Variants in FAM20B observed in about 807,000 individuals in gnomAD.
FAM20B encodes glycosaminoglycan xylosylkinase.
FAM20B carries 23 observed loss-of-function variants against 43.8 expected under a neutral mutation model. The ratio of observed to expected loss-of-function variants is 0.53; its 90% CI spans 0.38 to 0.74. The LOEUF (loss-of-function observed/expected upper bound fraction) is 0.74, where lower values mean the gene tolerates loss of function less well. Ranked by LOEUF, FAM20B falls within the 30% of genes least tolerant of loss-of-function variation. The probability of loss-of-function intolerance (pLI) is 0.00; values close to 1 mark genes in which losing one functional copy is unlikely to be tolerated. For missense variants in FAM20B, 440 were observed against 510.5 expected (o/e 0.86, Z 1.33); for synonymous variants, 178 against 192.4 (o/e 0.93, Z 0.62).
chr1:179,018,940 G>T, the FAM20B span, among the ~76,000 whole-genome samples: 1 of 152,218 alleles, frequency 6.6e-6, no homozygotes. Context: ...ATAGATTGCA[G>T]TCCAGATCTG....
At chr1:179,052,636 A>G (rs1333934387) in intron 3 of FAM20B, among the ~76,000 whole-genome samples, 1 of 152,234 alleles carries the variant, frequency 6.6e-6, no homozygotes, top group Non-Finnish European at 1.5e-5. Flanking sequence ...TAGCTGTAGC[A>G]TTTTCAATAG....
At chr1:179,046,832 G>A (rs1443194909) in intron 2 of FAM20B, among the ~76,000 whole-genome samples, 3 of 151,684 alleles carry the variant, frequency 2.0e-5, no homozygotes, top group Non-Finnish European at 4.4e-5. Flanking sequence ...CTGAAACCCC[G>A]TTTCTACTAA....
At chr1:179,035,538 A>G in intron 1 of FAM20B, 2 of 656,062 alleles carry the variant, frequency 3.0e-6, no homozygotes, top group Non-Finnish European at 2.8e-6. Context: ...TCGAATGATG[A>G]ATTTCTTAAT....
intron 1 of FAM20B, among the ~76,000 whole-genome samples, chr1:179,026,898 G>GA (rs1649814029): frequency 6.6e-6 from 1 of 152,226 alleles, no homozygotes; most frequent in Admixed American, 6.5e-5. Flanking sequence ...GATAAGAAGA[G>GA]AAGGGGTAGA....
intron 5 of FAM20B, 22 bp from the exon 6 acceptor site, chr1:179,064,283 C>T (rs372345743): frequency 6.3e-7 from 1 of 1,584,656 alleles, no homozygotes; most frequent in Non-Finnish European, 8.6e-7. Flanking sequence ...TCACTCAGTG[C>T]TGTGATGCTG....
rs568250782 is a variant in FAM20B, at chr1:179,044,319, T to A, written c.377+95T>A. 2.9e-5 allele frequency: 40 copies of A among 1,394,448 alleles called. No individual in the cohort carries two copies. The South Asian group carries it at 4.4e-4, about 15-fold the overall frequency. 86.4% of individuals were successfully genotyped at this position (1,394,448 alleles called of 1,614,324 possible). ...TTATTTTGTCATCTTCTCTTGGAAG[T>A]CTCTTCAGTAAAATAAGAGGGGTAG... On this transcript the variant is annotated intron_variant, in intron 2 of 7. Coordinates refer to ENST00000263733, the MANE Select transcript of FAM20B (RefSeq NM_014864.4).
chr1:179,061,076 A>ATTTTTTTTTTTTTTTTT (rs67897742), intron 4 of FAM20B, among the ~76,000 whole-genome samples: 2 of 126,290 alleles, frequency 1.6e-5, no homozygotes. Flanking sequence ...TCTTTGTCGA[A>ATTTTTTTTTTTTTTTTT]TTTTTTTTTT....
At chr1:179,031,369 A>G (rs541587585) in intron 1 of FAM20B, among the ~76,000 whole-genome samples, 1 of 152,330 alleles carries the variant, frequency 6.6e-6, no homozygotes, top group Non-Finnish European at 1.5e-5. Context: ...TTGGTTTTTT[A>G]GAACAGAACT....
intron 2 of FAM20B, among the ~76,000 whole-genome samples, chr1:179,046,668 A>G (rs1572542584): frequency 6.6e-6 from 1 of 150,550 alleles, no homozygotes; most frequent in Non-Finnish European, 1.5e-5. Context: ...CGTAAAATAA[A>G]ATAAATAAAG....
At chr1:179,025,598 G>A (rs1287173838), upstream of FAM20B, among the ~76,000 whole-genome samples, 1 of 152,160 alleles carries the variant, frequency 6.6e-6, no homozygotes, top group South Asian at 2.1e-4. Flanking sequence ...GACGGGGTGG[G>A]GGATGGAGGA....
At position 179,030,339 on chromosome 1, in the gene FAM20B, G is replaced by T. The variant is rs137857845; in HGVS notation, c.-134+4241G>T. Among the ~76,000 whole-genome samples, 702 of 151,740 alleles carry T rather than the reference G, an allele frequency of 4.6e-3. 8 individuals carry two copies. The highest frequency in any genetic ancestry group is 0.016 in the African/African-American group (648 of 41,392). On this transcript the variant is annotated intron_variant, in intron 1 of 7. Coordinates refer to ENST00000263733, the MANE Select transcript of FAM20B (RefSeq NM_014864.4). ...CAAAATAATATGGAAGTACTTACTC[G>T]TGTGGGTTCTTGTTTCAGAAAGCAC...
intron 4 of FAM20B, among the ~76,000 whole-genome samples, chr1:179,060,109 A>T (rs978272861): frequency 8.5e-5 from 11 of 129,632 alleles, no homozygotes; most frequent in African/African-American, 3.3e-4. Context: ...ATATTTTTTT[A>T]TTTATCTCTA....
At position 179,076,065 on chromosome 1, in the gene FAM20B, G is replaced by GT. The variant is rs980239001; in HGVS notation, c.*3922dup. ...TCTGAAGGATTCAGAAAGAACCTTA[G>GT]TGAAAGGTTCTCAGTCTCTGAGAGT... On this transcript the variant is annotated 3_prime_UTR_variant, in exon 8 of 8. Transcript: ENST00000263733. The GT allele has an allele frequency of 1.3e-5, 2 of 152,188 alleles. No homozygotes were observed. The highest frequency in any genetic ancestry group is 2.9e-5 in the Non-Finnish European group (2 of 68,036). The allele number at this position is 152,188 out of a possible 1,614,324, so 9.4% of individuals were successfully genotyped here. A position where few individuals can be genotyped will look rare whatever the true frequency, so the allele number is the denominator to read the frequency against.
Position 179,050,293 on chromosome 1 carries a change from A to ATGTGGTGGAAGGGGAACCG in FAM20B, c.394_412dup (p.Tyr138CysfsTer11). ...TCACTTTGCAGGTATAGCCGAGACC[A>ATGTGGTGGAAGGGGAACCG]TGTGGTGGAAGGGGAACCGTATGCT... is the stretch of plus-strand genomic sequence containing the variant. On this transcript the variant is annotated frameshift_variant, in exon 3 of 8. Transcript: ENST00000263733. LOFTEE classifies it high-confidence loss of function. 1 of 1,613,634 alleles carries ATGTGGTGGAAGGGGAACCG rather than the reference A, an allele frequency of 6.2e-7. No homozygotes were observed. The highest frequency in any genetic ancestry group is 8.5e-7 in the Non-Finnish European group (1 of 1,179,560).
intron 2 of FAM20B, among the ~76,000 whole-genome samples, chr1:179,045,933 T>C (rs1650749931): frequency 6.6e-6 from 1 of 151,790 alleles, no homozygotes; most frequent in African/African-American, 2.4e-5. Flanking sequence ...CGTGGTTATG[T>C]GGGCCTGGGA....
intron 1 of FAM20B, among the ~76,000 whole-genome samples, chr1:179,040,579 G>A (rs1345142528): frequency 8.1e-6 from 1 of 123,840 alleles, no homozygotes; most frequent in South Asian, 2.7e-4. Context: ...AGCTGGCCGG[G>A]CAGAGGGGCT....
At chr1:179,035,893 G>A (rs752183353) in intron 1 of FAM20B, among the ~76,000 whole-genome samples, 2 of 152,104 alleles carry the variant, frequency 1.3e-5, no homozygotes, top group African/African-American at 2.4e-5. Context: ...ACATTGGGGG[G>A]CTGAGGTGGG....
At chr1:179,037,367 T>A (rs1165233259) in intron 1 of FAM20B, among the ~76,000 whole-genome samples, 1 of 151,648 alleles carries the variant, frequency 6.6e-6, no homozygotes, top group Non-Finnish European at 1.5e-5. Flanking sequence ...TCTTTTTTTT[T>A]AACCTGCCCT....
At chr1:179,043,579 T>G (rs1436981090) in intron 1 of FAM20B, 136 bp from the exon 2 acceptor site, 4 of 341,620 alleles carry the variant, frequency 1.2e-5, no homozygotes, top group Admixed American at 4.4e-5. Context: ...ATTAGTTAAT[T>G]TTAAATTATT....
Sources: allele counts gnomAD v4.1 joint callset (sites outside exome capture counted in the v4.1 genomes callset), GRCh38; gene constraint gnomAD v4.1.1; transcripts MANE v1.5; gene names NCBI Gene and HGNC (gene_info 2026-07-23, HGNC 2026-07-21).